The following TTC6 variants were observed in gnomAD, a reference collection of about 807,000 sequenced individuals.
The protein encoded by TTC6 is tetratricopeptide repeat domain 6.
Under a neutral mutation model 210.4 loss-of-function variants are expected in TTC6, and 172 were observed. The ratio of observed to expected loss-of-function variants is 0.82; its 90% CI spans 0.72 to 0.93. The LOEUF is 0.93. Among genes scored for constraint, TTC6 ranks in the 40% least tolerant of loss-of-function variants. The probability of loss-of-function intolerance (pLI) is 0.00; values close to 1 mark genes in which losing one functional copy is unlikely to be tolerated. For missense variants in TTC6, 2,414 were observed against 2,318.1 expected, an observed-to-expected ratio of 1.04 and a Z score of -0.85; for synonymous variants, 804 against 819.6, an observed-to-expected ratio of 0.98 and a Z score of 0.32.
At chr14:37,755,480 TAA>T (rs2095964796) in intron 14 of TTC6, among the ~76,000 whole-genome samples, 1 of 152,234 alleles carries the variant, frequency 6.6e-6, no homozygotes, top group African/African-American at 2.4e-5. Flanking sequence ...TGGCATTGCC[TAA>T]GTTTTCTTCT....
At chr14:37,687,162 T>C (rs1365178653) in intron 3 of TTC6, among the ~76,000 whole-genome samples, 1 of 152,114 alleles carries the variant, frequency 6.6e-6, no homozygotes, top group African/African-American at 2.4e-5. Context: ...AGAGTGTTTT[T>C]GTGCCCTGGG....
intron 24 of TTC6, among the ~76,000 whole-genome samples, chr14:37,811,760 G>A (rs1037269855): frequency 6.6e-6 from 1 of 152,138 alleles, no homozygotes; most frequent in African/African-American, 2.4e-5. Flanking sequence ...AATATTTTGA[G>A]ATAGCTTTCC....
exon 31 of TTC6, chr14:37,842,180 T>G: frequency 2.5e-6 from 4 of 1,603,370 alleles, no homozygotes; most frequent in Middle Eastern, 1.7e-4. Context: ...CTAATGATGC[T>G]CTAGTATATA....
intron 20 of TTC6, among the ~76,000 whole-genome samples, chr14:37,800,919 A>G (rs2096105039): frequency 6.6e-6 from 1 of 152,194 alleles, no homozygotes; most frequent in Non-Finnish European, 1.5e-5. Context: ...CTCAGCTGCA[A>G]ACACGTACAA....
intron 10 of TTC6, among the ~76,000 whole-genome samples, chr14:37,739,839 A>G (rs1476523593): frequency 6.6e-6 from 1 of 152,048 alleles, no homozygotes; most frequent in African/African-American, 2.4e-5. Context: ...AGTATTTTTA[A>G]ATTTTAAATT....
At chr14:37,738,791 G>A (rs1323502144) in exon 10 of TTC6, 2 of 1,500,834 alleles carry the variant, frequency 1.3e-6, no homozygotes, top group Admixed American at 2.3e-5. Flanking sequence ...AAAATCTTCT[G>A]TAGACTTGAG....
exon 31 of TTC6, chr14:37,842,436 A>C (rs546490531): frequency 1.4e-5 from 9 of 656,790 alleles, no homozygotes; most frequent in African/African-American, 1.9e-5. Flanking sequence ...CATTTTAATA[A>C]AATGTTTGTT....
chr14:37,824,052 T>A, intron 27 of TTC6, 95 bp downstream of exon 29: 1 of 1,154,854 alleles, frequency 8.7e-7, no homozygotes, highest in Non-Finnish European at 1.2e-6. Context: ...GTTATTTCTT[T>A]GGTTATGAAC....
chr14:37,670,838 T>C (rs1320393696), intron 1 of TTC6, among the ~76,000 whole-genome samples: 2 of 152,112 alleles, frequency 1.3e-5, no homozygotes, highest in African/African-American at 2.4e-5. Flanking sequence ...AGAAAAATTA[T>C]GCAATAATAG....
At chr14:37,643,502 C>G (rs1370822722) in intron 1 of TTC6, among the ~76,000 whole-genome samples, 1 of 152,100 alleles carries the variant, frequency 6.6e-6, no homozygotes, top group Non-Finnish European at 1.5e-5. Flanking sequence ...TTAAGGAGGG[C>G]TACAGGATTG....
chr14:37,685,414 GT>G (rs1307987273), intron 3 of TTC6, among the ~76,000 whole-genome samples: 1 of 152,138 alleles, frequency 6.6e-6, no homozygotes, highest in East Asian at 1.9e-4. Context: ...TATGAATAAT[GT>G]TAAGAACAAA....
At chr14:37,721,874 A>ATATATG (rs2095862533) in intron 6 of TTC6, among the ~76,000 whole-genome samples, 1 of 130,076 alleles carries the variant, frequency 7.7e-6, no homozygotes. Flanking sequence ...ATATATATAT[A>ATATATG]TATGTATATA....
intron 1 of TTC6, among the ~76,000 whole-genome samples, chr14:37,668,050 G>A (rs1039404337): frequency 2.7e-5 from 4 of 149,778 alleles, no homozygotes; most frequent in African/African-American, 4.9e-5. Flanking sequence ...CAGGAGAATC[G>A]CTTGAATCTG....
At chr14:37,601,071 G>A (rs1412222219) in intron 1 of TTC6, among the ~76,000 whole-genome samples, 1 of 152,154 alleles carries the variant, frequency 6.6e-6, no homozygotes, top group African/African-American at 2.4e-5. Flanking sequence ...TGTAATTTTG[G>A]TTGCCTACCA....
At chr14:37,632,141 C>T (rs888333186) in intron 1 of TTC6, among the ~76,000 whole-genome samples, 8 of 152,156 alleles carry the variant, frequency 5.3e-5, no homozygotes, top group Non-Finnish European at 1.5e-5. Flanking sequence ...CATTCTCCGT[C>T]CAGTTTTGTT....
chr14:37,832,509 T>C (rs1030330452), intron 29 of TTC6, among the ~76,000 whole-genome samples: 4 of 152,062 alleles, frequency 2.6e-5, no homozygotes, highest in African/African-American at 9.7e-5. Flanking sequence ...TGGTATGTTG[T>C]GTTTCCATTT....
intron 7 of TTC6, among the ~76,000 whole-genome samples, chr14:37,727,271 T>A (rs1326092078): frequency 6.6e-6 from 1 of 150,954 alleles, no homozygotes; most frequent in Non-Finnish European, 1.5e-5. Flanking sequence ...ATGTTGACAT[T>A]CTATGTTGGT....
At chr14:37,618,915 T>A (rs1221330661), upstream of TTC6, among the ~76,000 whole-genome samples, 2 of 151,304 alleles carry the variant, frequency 1.3e-5, no homozygotes, top group Non-Finnish European at 3.0e-5. Flanking sequence ...AGTGGGAGAG[T>A]CAAGTCAGAT....
intron 1 of TTC6, among the ~76,000 whole-genome samples, chr14:37,677,304 T>G (rs2095772147): frequency 6.6e-6 from 1 of 152,084 alleles, no homozygotes; most frequent in Non-Finnish European, 1.5e-5. Flanking sequence ...TATTCTCATT[T>G]ATGGCATTTT....
Sources: gnomAD v4.1 joint callset for allele counts (sites outside exome capture counted in the v4.1 genomes callset) on GRCh38, gnomAD v4.1.1 for gene constraint, MANE v1.5 for transcripts, NCBI Gene and HGNC (gene_info 2026-07-23, HGNC 2026-07-21) for gene names.